PCGF6: variants seen among roughly 807,000 people sequenced by gnomAD.
PCGF6 encodes polycomb group RING finger protein 6.
PCGF6 carries 24 observed loss-of-function variants against 45.5 expected under a neutral mutation model. The observed-to-expected ratio is 0.53, with a 90% confidence interval of 0.38 to 0.74. PCGF6 has a LOEUF of 0.74. PCGF6 is among the 30% of genes least tolerant of loss of function. The pLI is 0.00. For missense variants in PCGF6, 356 were observed against 443.2 expected, an observed-to-expected ratio of 0.80 and a Z score of 1.77; for synonymous variants, 152 against 162.1, an observed-to-expected ratio of 0.94 and a Z score of 0.47.
At chr10:103,338,623 T>G (rs1398779700) in intron 6 of PCGF6, among the ~76,000 whole-genome samples, 1 of 151,436 alleles carries the variant, frequency 6.6e-6, no homozygotes, top group Non-Finnish European at 1.5e-5. Context: ...TCCCAATACT[T>G]TGGGAGGCTG....
rs2093125424 is a variant in PCGF6 at position 103,303,213 on chromosome 10, G to A, written c.*692C>T. 1 of 152,514 alleles carries A rather than the reference G, an allele frequency of 6.6e-6. No individual in the cohort carries two copies. The highest frequency in any genetic ancestry group is 1.9e-4 in the East Asian group (1 of 5,202). The allele number at this position is 152,514 out of a possible 1,614,324, so 9.4% of individuals were successfully genotyped here. On this transcript the variant is annotated 3_prime_UTR_variant, in exon 10 of 10. Coordinates refer to ENST00000369847, the MANE Select transcript of PCGF6 (RefSeq NM_001011663.2). ...ATGTACCCAAATAAAATGAATGTCAGAAATAAAAATACTGTCACAAAGAAG... is the reference window on the plus strand; with the variant it reads ...ATGTACCCAAATAAAATGAATGTCAAAAATAAAAATACTGTCACAAAGAAG...
chr10:103,349,848 C>G (rs997171146), intron 1 of PCGF6, among the ~76,000 whole-genome samples: 2 of 149,862 alleles, frequency 1.3e-5, no homozygotes, highest in South Asian at 4.2e-4. Context: ...TTTGGGAGGC[C>G]GAGGCGGGCG....
chr10:103,317,878 C>A (rs1391152336), intron 8 of PCGF6, among the ~76,000 whole-genome samples: 1 of 151,600 alleles, frequency 6.6e-6, no homozygotes, highest in Admixed American at 6.6e-5. Context: ...CCTGCCTCAG[C>A]CTCCCAAGTA....
At chr10:103,337,148 T>C (rs781361295) in intron 6 of PCGF6, among the ~76,000 whole-genome samples, 2 of 152,194 alleles carry the variant, frequency 1.3e-5, no homozygotes, top group Non-Finnish European at 2.9e-5. Flanking sequence ...TCTTAAAATA[T>C]GGTACCCAGA....
intron 6 of PCGF6, 116 bp from the exon 7 acceptor site, chr10:103,334,068 G>T: frequency 1.5e-6 from 1 of 674,150 alleles, no homozygotes; most frequent in Non-Finnish European, 2.2e-6. Context: ...CTAGAACACA[G>T]TCACCTGAAG....
In PCGF6 at chr10:103,326,399, A is replaced by AC; in HGVS notation, c.909+134_909+135insG. The AC allele has an allele frequency of 7.4e-6, 4 of 540,912 alleles. No individual in the cohort carries two copies. The South Asian group carries it at 1.4e-4, about 19-fold the overall frequency. The allele number at this position is 540,912 out of a possible 1,614,324, so 33.5% of individuals were successfully genotyped here. On this transcript the variant is annotated intron_variant, in intron 8 of 9. Coordinates refer to ENST00000369847, the MANE Select transcript of PCGF6 (RefSeq NM_001011663.2). ...GCAAGACTCCATCTCAAAAAAAAAA[A>AC]AAAAAAACAATGTCTACAACATCAT...
At position 103,302,975 on chromosome 10, in the gene PCGF6, G is replaced by T; in HGVS notation, c.*930C>A. 1 of 152,524 alleles carries T rather than the reference G, an allele frequency of 6.6e-6. No individual in the cohort carries two copies. Among genetic ancestry groups the T allele is most frequent in the East Asian group, 1.9e-4 (1 of 5,206 alleles). 9.4% of individuals were successfully genotyped at this position (152,524 alleles called of 1,614,324 possible). ...AGAAAGCATCACAATGCTAATTTTA[G>T]GCAAATAATGTTTTAAAACTGAAGT... On this transcript the variant is annotated 3_prime_UTR_variant, in exon 10 of 10. Coordinates refer to ENST00000369847, the MANE Select transcript of PCGF6 (RefSeq NM_001011663.2).
At position 103,326,229 on chromosome 10, in the gene PCGF6, CA is replaced by C. The variant is rs544790414; in HGVS notation, c.909+304del. ...TGAAACCCCTTCTCTACTAAAAATA[CA>C]AAAAAAAAATCAGCCGGGTGCAGTG... On this transcript the variant is annotated intron_variant, in intron 8 of 9. Transcript: ENST00000369847. Among the ~76,000 whole-genome samples, 27 of 147,374 alleles carry C rather than the reference CA, an allele frequency of 1.8e-4. No homozygotes were observed. In the East Asian group the frequency reaches 3.6e-3, roughly 19 times the overall value.
chr10:103,345,318 A>AC (rs2093295323), intron 5 of PCGF6, among the ~76,000 whole-genome samples, 186 bp from the exon 6 acceptor site: 1 of 152,152 alleles, frequency 6.6e-6, no homozygotes, highest in Admixed American at 6.6e-5. Context: ...AAGCCTGGGG[A>AC]CCACTCCACA....
At position 103,337,790 on chromosome 10, in the gene PCGF6, C is replaced by T; in HGVS notation, c.783-3838G>A. 3.9e-5 allele frequency among the ~76,000 whole-genome samples: 2 copies of T among 51,780 alleles called. 1 individual carries two copies. The highest frequency in any genetic ancestry group is 1.3e-4 in the African/African-American group (2 of 15,060). The allele number at this position is 51,780 out of a possible 152,430, so 34.0% of individuals were successfully genotyped here. A position where few individuals can be genotyped will look rare whatever the true frequency, so the allele number is the denominator to read the frequency against. On this transcript the variant is annotated intron_variant, in intron 6 of 9. Transcript: ENST00000369847. ...TAAAAATACAAAATTAGCGGCCGGGCGCGGTGGCTCACGCCTGTAATCCCA... is the reference window on the plus strand; with the variant it reads ...TAAAAATACAAAATTAGCGGCCGGGTGCGGTGGCTCACGCCTGTAATCCCA...
intron 7 of PCGF6, among the ~76,000 whole-genome samples, chr10:103,331,824 G>A (rs1181441573): frequency 3.3e-5 from 5 of 151,960 alleles, no homozygotes; most frequent in Non-Finnish European, 5.9e-5. Flanking sequence ...ACAGAGTCTC[G>A]CTGTGTCGCC....
chr10:103,332,438 G>C (rs1186061524), intron 7 of PCGF6, among the ~76,000 whole-genome samples: 1 of 152,112 alleles, frequency 6.6e-6, no homozygotes, highest in Non-Finnish European at 1.5e-5. Context: ...AACATGCAGA[G>C]CTAACATTTT....
chr10:103,304,293 T>C (rs1390638937), intron 9 of PCGF6, among the ~76,000 whole-genome samples: 3 of 151,676 alleles, frequency 2.0e-5, no homozygotes, highest in South Asian at 4.2e-4. Context: ...CCCGCCACCA[T>C]ACTCAGCTAA....
At position 103,303,974 on chromosome 10, in the gene PCGF6, G is replaced by GA; in HGVS notation, c.997-14dup. 2 of 1,609,578 alleles carry GA rather than the reference G, an allele frequency of 1.2e-6. No individual in the cohort carries two copies. Among genetic ancestry groups the GA allele is most frequent in the Admixed American group, 1.7e-5 (1 of 59,486 alleles). On this transcript the variant is annotated splice_polypyrimidine_tract_variant and intron_variant, in intron 9 of 9. Transcript: ENST00000369847. ...CAAGCAGACCATCCTGAAAAGGGGA[G>GA]AAAAAAAGACGATTTTGCAGTTCTT...
At chr10:103,341,676 T>C (rs2093281385) in intron 6 of PCGF6, among the ~76,000 whole-genome samples, 1 of 151,838 alleles carries the variant, frequency 6.6e-6, no homozygotes, top group African/African-American at 2.4e-5. Flanking sequence ...ACTCTTGATG[T>C]CAAGTAATCT....
intron 8 of PCGF6, among the ~76,000 whole-genome samples, chr10:103,317,449 T>A (rs540661043): frequency 2.8e-4 from 42 of 152,284 alleles, no homozygotes; most frequent in Non-Finnish European, 5.1e-4. Flanking sequence ...GTAAAAAGCT[T>A]TACAAAAATC....
In PCGF6 at chr10:103,350,943, C is replaced by T. The variant is rs1300603361; in HGVS notation, c.124G>A (p.Glu42Lys). 1.5e-5 allele frequency: 23 copies of T among 1,498,836 alleles called. No individual in the cohort carries two copies. The highest frequency in any genetic ancestry group is 1.9e-5 in the Non-Finnish European group (22 of 1,131,022). 92.8% of individuals were successfully genotyped at this position (1,498,836 alleles called of 1,614,324 possible). A position where few individuals can be genotyped will look rare whatever the true frequency, so the allele number is the denominator to read the frequency against. ...PALTPAPAAG[E>K]EGPAPLSETG... Reference sequence around the variant, plus strand: ...TCAGACAGAGGCGCCGGTCCCTCCTCACCCGCTGCGGGTGCAGGGGTGAGG... The same window carrying T: ...TCAGACAGAGGCGCCGGTCCCTCCTTACCCGCTGCGGGTGCAGGGGTGAGG... The change falls in exon 1 of 10, where the codon GAG (glutamate) becomes AAG (lysine). Residue 42 changes from glutamate (E) to lysine (K), a missense_variant. Around this residue, in one of 2 missense-constraint regions of PCGF6, gnomAD observed 307 missense variants for 350.1 expected, o/e 0.88. Coordinates refer to ENST00000369847, the MANE Select transcript of PCGF6 (RefSeq NM_001011663.2).
intron 9 of PCGF6, among the ~76,000 whole-genome samples, chr10:103,309,333 T>C (rs540677138): frequency 5.3e-5 from 8 of 152,236 alleles, no homozygotes; most frequent in African/African-American, 1.9e-4. Flanking sequence ...GGATTTCTCA[T>C]GAATGGTTTA....
Position 103,325,792 on chromosome 10 carries a change from G to A in PCGF6, c.909+742C>T, listed in dbSNP as rs2093215912. On this transcript the variant is annotated intron_variant, in intron 8 of 9. Transcript: ENST00000369847. ...CTAGTGCTTTGGGAAGCTGAGGCAA[G>A]AGGATTACTTGAGGCCAGGAGTTTG... Among the ~76,000 whole-genome samples the A allele has an allele frequency of 3.3e-5, 5 of 150,126 alleles. No homozygotes were observed. The South Asian group carries it at 1.0e-3, about 31-fold the overall frequency.
Sources: allele counts gnomAD v4.1 joint callset (sites outside exome capture counted in the v4.1 genomes callset), GRCh38; gene constraint gnomAD v4.1.1; regional missense constraint gnomAD v4.1.1; transcripts MANE v1.5; gene names NCBI Gene and HGNC (gene_info 2026-07-23, HGNC 2026-07-21).